CLSTN2: variants seen among roughly 807,000 people sequenced by gnomAD.
CLSTN2 encodes calsyntenin 2.
In CLSTN2, 48 loss-of-function variants were observed where a neutral mutation model predicts 101.2. That is an observed-to-expected ratio of 0.47 (90% CI 0.38 to 0.60). The LOEUF (loss-of-function observed/expected upper bound fraction) is 0.60, where lower values mean the gene tolerates loss of function less well. Among genes scored for constraint, CLSTN2 ranks in the 20% least tolerant of loss-of-function variants. CLSTN2 has a pLI of 0.00. For missense variants in CLSTN2, 1,160 were observed against 1,238.2 expected (o/e 0.94, Z 0.95); for synonymous variants, 481 against 463.6 (o/e 1.04, Z -0.48).
chr3:140,003,193 G>A (rs1019560267), intron 1 of CLSTN2, among the ~76,000 whole-genome samples: 5 of 152,082 alleles, frequency 3.3e-5, no homozygotes, highest in Admixed American at 6.6e-5. Flanking sequence ...TCCAATCTAC[G>A]AACATGGAAA....
chr3:140,133,132 G>A (rs2009547312), intron 1 of CLSTN2, among the ~76,000 whole-genome samples: 2 of 152,142 alleles, frequency 1.3e-5, no homozygotes, highest in South Asian at 2.1e-4. Flanking sequence ...AAGTCGAAGT[G>A]GGTGTAGACA....
intron 1 of CLSTN2, among the ~76,000 whole-genome samples, chr3:139,938,307 C>T (rs943775700): frequency 6.6e-6 from 1 of 152,322 alleles, no homozygotes; most frequent in East Asian, 1.9e-4. Context: ...GAAGCATGTG[C>T]TCCCAGCTTC....
At chr3:140,229,099 G>T (rs929611698) in intron 2 of CLSTN2, among the ~76,000 whole-genome samples, 5 of 152,090 alleles carry the variant, frequency 3.3e-5, no homozygotes, top group African/African-American at 7.2e-5. Flanking sequence ...ATAGAACTAG[G>T]CTGGGTGACT....
chr3:140,298,881 A>G (rs148021899), intron 2 of CLSTN2, among the ~76,000 whole-genome samples: 5 of 152,292 alleles, frequency 3.3e-5, no homozygotes, highest in African/African-American at 1.2e-4. Context: ...AGGCCCTTCA[A>G]CCTGAATAAA....
At chr3:140,158,102 C>G (rs1443193525) in intron 1 of CLSTN2, among the ~76,000 whole-genome samples, 8 of 152,134 alleles carry the variant, frequency 5.3e-5, no homozygotes, top group Non-Finnish European at 8.8e-5. Flanking sequence ...CAACATTACA[C>G]TAAATGGGCA....
rs189873551 is a variant in CLSTN2, at chr3:140,193,910, G to A, written c.232+17837G>A. 2.0e-4 allele frequency among the ~76,000 whole-genome samples: 30 copies of A among 152,134 alleles called. No individual in the cohort carries two copies. In the East Asian group the frequency reaches 5.2e-3, roughly 26 times the overall value. On this transcript the variant is annotated intron_variant, in intron 2 of 16. Transcript: ENST00000458420. The stretch of plus-strand genomic sequence containing the variant: ...TGATTCTTTCCTCCATTCTGCTGAT[G>A]AGCCCATGCACTGAGGTTTCTACTT...
chr3:140,006,542 G>A (rs1050366110), intron 1 of CLSTN2, among the ~76,000 whole-genome samples: 19 of 152,166 alleles, frequency 1.2e-4, no homozygotes, highest in African/African-American at 4.3e-4. Context: ...GCTGCATAGT[G>A]CTTTATCATG....
At chr3:140,037,695 C>G (rs1239997952) in intron 1 of CLSTN2, among the ~76,000 whole-genome samples, 1 of 152,108 alleles carries the variant, frequency 6.6e-6, no homozygotes. Flanking sequence ...TGATGCTCTC[C>G]CTACCCCGAC....
At chr3:140,080,792 A>G (rs1455573776) in intron 1 of CLSTN2, among the ~76,000 whole-genome samples, 3 of 152,206 alleles carry the variant, frequency 2.0e-5, no homozygotes, top group Non-Finnish European at 4.4e-5. Flanking sequence ...GAGCTCTGTT[A>G]GCCCACAATG....
intron 4 of CLSTN2, among the ~76,000 whole-genome samples, chr3:140,414,658 C>G (rs1461434997): frequency 6.6e-6 from 1 of 152,006 alleles, no homozygotes; most frequent in Non-Finnish European, 1.5e-5. Context: ...ATATCCTAGA[C>G]TTCACCACTA....
intron 8 of CLSTN2, among the ~76,000 whole-genome samples, chr3:140,482,830 T>TC (rs1934149574): frequency 6.6e-6 from 1 of 152,246 alleles, no homozygotes; most frequent in African/African-American, 2.4e-5. Flanking sequence ...GATTCTTCTC[T>TC]CTTTTCTTCC....
At chr3:140,523,406 C>T (rs756958981) in intron 8 of CLSTN2, among the ~76,000 whole-genome samples, 1 of 152,142 alleles carries the variant, frequency 6.6e-6, no homozygotes, top group Non-Finnish European at 1.5e-5. Flanking sequence ...TTTCAGCCCC[C>T]CAGTGCAGCT....
At chr3:140,468,993 A>G (rs1226854166) in intron 8 of CLSTN2, among the ~76,000 whole-genome samples, 2 of 152,144 alleles carry the variant, frequency 1.3e-5, no homozygotes, top group African/African-American at 2.4e-5. Flanking sequence ...CAAGGTGCCA[A>G]TTTGGTTCCT....
chr3:140,509,735 G>C (rs575733760), intron 8 of CLSTN2, among the ~76,000 whole-genome samples: 1 of 152,178 alleles, frequency 6.6e-6, no homozygotes, highest in Admixed American at 6.5e-5. Context: ...CCCCCACTTC[G>C]TTGAGACTGG....
chr3:140,197,260 A>G (rs552881545), intron 2 of CLSTN2, among the ~76,000 whole-genome samples: 1 of 152,318 alleles, frequency 6.6e-6, no homozygotes, highest in East Asian at 1.9e-4. Context: ...GCTGGATATC[A>G]ACAGCCTGGA....
At chr3:140,403,554 C>G (rs1194896738) in intron 2 of CLSTN2, 75 bp from the exon 3 acceptor site, 2 of 1,254,930 alleles carry the variant, frequency 1.6e-6, no homozygotes, top group Non-Finnish European at 2.3e-6. Context: ...GTTTGTGAAT[C>G]TGGTCCAATG....
At chr3:140,230,574 C>T (rs770357715) in intron 2 of CLSTN2, among the ~76,000 whole-genome samples, 2 of 152,178 alleles carry the variant, frequency 1.3e-5, no homozygotes, top group Non-Finnish European at 2.9e-5. Context: ...CCCAGAGAGA[C>T]TCCCATCCTT....
chr3:140,406,859 G>C (rs147830991), intron 4 of CLSTN2, among the ~76,000 whole-genome samples: 2 of 152,364 alleles, frequency 1.3e-5, no homozygotes, highest in African/African-American at 2.4e-5. Context: ...AGCTCAGTGA[G>C]ATGAGATGCA....
intron 1 of CLSTN2, among the ~76,000 whole-genome samples, chr3:140,152,731 C>G (rs574237352): frequency 6.6e-6 from 1 of 152,268 alleles, no homozygotes; most frequent in African/African-American, 2.4e-5. Context: ...TAACCCCTAT[C>G]TCAGGATTAA....
Sources: gnomAD v4.1 joint callset for allele counts (sites outside exome capture counted in the v4.1 genomes callset) on GRCh38, gnomAD v4.1.1 for gene constraint, MANE v1.5 for transcripts, NCBI Gene and HGNC (gene_info 2026-07-23, HGNC 2026-07-21) for gene names.